The following LY96 variants were observed in gnomAD, a reference collection of about 807,000 sequenced individuals.
LY96 encodes myeloid differentiation protein-2.
A neutral mutation model predicts 18.9 loss-of-function variants in LY96; 18 were observed. That is an observed-to-expected ratio of 0.95 (90% CI 0.66 to 1.41). LY96 has a LOEUF of 1.41. Among genes scored for constraint, LY96 ranks in the 40% most tolerant of loss-of-function variants. The pLI, the probability that LY96 is intolerant of heterozygous loss-of-function variation, is 0.00. For synonymous variants in LY96, 66 were observed against 62.6 expected, an observed-to-expected ratio of 1.06 and a Z score of -0.26; for missense variants, 175 against 182.4, an observed-to-expected ratio of 0.96 and a Z score of 0.23.
At chr8:74,037,841 T>C in the LY96 span, among the ~76,000 whole-genome samples, 2 of 152,134 alleles carry the variant, frequency 1.3e-5, no homozygotes, top group African/African-American at 4.8e-5. Context: ...CTTCATCTCA[T>C]AAGTTAGGCT....
chr8:74,006,896 C>T (rs1023267702), intron 2 of LY96, among the ~76,000 whole-genome samples: 9 of 152,140 alleles, frequency 5.9e-5, no homozygotes, highest in Non-Finnish European at 1.2e-4. Flanking sequence ...CTCTGAAAAG[C>T]AGACACTAAG....
At chr8:74,044,598 T>G in the LY96 span, among the ~76,000 whole-genome samples, 1 of 151,924 alleles carries the variant, frequency 6.6e-6, no homozygotes, top group African/African-American at 2.4e-5. Context: ...TTGGAGCTGA[T>G]CAGAGCATGG....
At chr8:74,088,832 T>C in the LY96 span, among the ~76,000 whole-genome samples, 10 of 152,212 alleles carry the variant, frequency 6.6e-5, no homozygotes, top group Admixed American at 3.3e-4. Flanking sequence ...GTGATCAGCC[T>C]GCCTCGGTCT....
chr8:74,030,901 A>G (rs1437416220), downstream of LY96, among the ~76,000 whole-genome samples: 1 of 152,224 alleles, frequency 6.6e-6, no homozygotes, highest in Non-Finnish European at 1.5e-5. Flanking sequence ...GACTTGGAGG[A>G]CAGGCTTTCT....
the LY96 span, among the ~76,000 whole-genome samples, chr8:74,089,418 C>G: frequency 1.3e-5 from 2 of 152,078 alleles, no homozygotes; most frequent in East Asian, 3.9e-4. Flanking sequence ...GAGCATGGAA[C>G]ACATCCATGT....
At chr8:74,061,968 C>T in the LY96 span, among the ~76,000 whole-genome samples, 17 of 152,296 alleles carry the variant, frequency 1.1e-4, no homozygotes, top group Middle Eastern at 3.4e-3. Context: ...ACAAAAAAAG[C>T]GCTCCAATCA....
At chr8:74,023,463 A>G (rs917923675) in intron 3 of LY96, among the ~76,000 whole-genome samples, 6 of 152,178 alleles carry the variant, frequency 3.9e-5, no homozygotes, top group Non-Finnish European at 7.3e-5. Context: ...AAAGAAAGGT[A>G]CTTGCTTGGA....
the LY96 span, among the ~76,000 whole-genome samples, chr8:74,074,478 A>G: frequency 6.6e-6 from 1 of 151,748 alleles, no homozygotes; most frequent in South Asian, 2.1e-4. Context: ...TTTCATTTCA[A>G]TTTTATTTAT....
the LY96 span, among the ~76,000 whole-genome samples, chr8:74,061,126 C>G: frequency 6.6e-6 from 1 of 152,234 alleles, no homozygotes; most frequent in African/African-American, 2.4e-5. Flanking sequence ...CTCTAGGCTC[C>G]TGTGCCACCT....
At chr8:74,003,731 A>G (rs1021839558) in intron 1 of LY96, among the ~76,000 whole-genome samples, 27 of 152,222 alleles carry the variant, frequency 1.8e-4, no homozygotes, top group African/African-American at 6.3e-4. Context: ...TTTGTGTCCT[A>G]TCTTCTCAGA....
intron 3 of LY96, among the ~76,000 whole-genome samples, chr8:74,012,141 G>T (rs1348972680): frequency 2.0e-5 from 3 of 152,010 alleles, no homozygotes; most frequent in South Asian, 2.1e-4. Context: ...ATTTATCAAA[G>T]AACTAAAAAT....
intron 1 of LY96, among the ~76,000 whole-genome samples, chr8:73,999,247 G>A (rs1379099573): frequency 1.3e-5 from 2 of 152,074 alleles, no homozygotes; most frequent in East Asian, 1.9e-4. Flanking sequence ...TGGGATTACA[G>A]GTGTGAGCCA....
At chr8:74,032,770 C>G (rs1816992819), downstream of LY96, among the ~76,000 whole-genome samples, 1 of 152,110 alleles carries the variant, frequency 6.6e-6, no homozygotes, top group Non-Finnish European at 1.5e-5. Context: ...AATGAAAGAG[C>G]TTGATTGGGT....
At chr8:74,058,523 CT>C in the LY96 span, among the ~76,000 whole-genome samples, 2,596 of 139,468 alleles carry the variant, frequency 0.019, 74 homozygotes, top group Admixed American at 0.082. Context: ...GAAAGTTTTT[CT>C]TTTTTTTTTT....
the LY96 span, among the ~76,000 whole-genome samples, chr8:74,077,626 A>G: frequency 2.0e-5 from 3 of 152,192 alleles, no homozygotes; most frequent in African/African-American, 2.4e-5. Flanking sequence ...TATTCTATTT[A>G]TGTGTGTATT....
the LY96 span, among the ~76,000 whole-genome samples, chr8:74,040,603 T>C: frequency 1.3e-5 from 2 of 152,176 alleles, no homozygotes; most frequent in African/African-American, 4.8e-5. Flanking sequence ...TCTATCCCCA[T>C]GTATGCTTTT....
At chr8:74,037,330 G>C in the LY96 span, among the ~76,000 whole-genome samples, 2 of 152,092 alleles carry the variant, frequency 1.3e-5, no homozygotes, top group Non-Finnish European at 2.9e-5. Context: ...GAAGAATGGT[G>C]AGTCTAAAAA....
intron 1 of LY96, among the ~76,000 whole-genome samples, chr8:73,999,317 G>C (rs1357047940): frequency 2.0e-5 from 3 of 151,998 alleles, no homozygotes; most frequent in Non-Finnish European, 4.4e-5. Flanking sequence ...CCAGGATGGA[G>C]AGCAGTGGCA....
intron 1 of LY96, among the ~76,000 whole-genome samples, chr8:73,995,727 T>C (rs1816112599): frequency 6.9e-6 from 1 of 144,452 alleles, no homozygotes; most frequent in African/African-American, 2.7e-5. Context: ...TTCTAATCTT[T>C]ATTTTTTTTT....
Sources: gnomAD v4.1 joint callset for allele counts (sites outside exome capture counted in the v4.1 genomes callset) on GRCh38, gnomAD v4.1.1 for gene constraint, MANE v1.5 for transcripts, NCBI Gene and HGNC (gene_info 2026-07-23, HGNC 2026-07-21) for gene names.